Variants in ROCK2 observed in about 807,000 individuals in gnomAD.
ROCK2 encodes rho-associated protein kinase 2.
Under a neutral mutation model 195.1 loss-of-function variants are expected in ROCK2, and 61 were observed. The observed-to-expected ratio is 0.31, with a 90% CI of 0.25 to 0.39. ROCK2 has a LOEUF of 0.39. ROCK2 is among the 10% of genes least tolerant of loss of function. The pLI, the probability that ROCK2 is intolerant of heterozygous loss-of-function variation, is 1.00. For synonymous variants in ROCK2, 504 were observed against 545.5 expected (o/e 0.92, Z 1.06); for missense variants, 1,109 against 1,637.4 (o/e 0.68, Z 5.57).
chr2:11,192,355 T>C lies in ROCK2; in HGVS notation c.3956A>G (p.Tyr1319Cys), dbSNP rs1366678124. 2 of 1,600,842 alleles carry C rather than the reference T, an allele frequency of 1.2e-6. No homozygotes were observed. The highest frequency in any genetic ancestry group is 1.7e-6 in the Non-Finnish European group (2 of 1,174,738). The change falls in exon 32 of 33, where the codon TAT becomes TGT. Residue 1319 changes from tyrosine (Y) to cysteine (C), a missense_variant. Around this residue, in one of 6 missense-constraint regions of ROCK2, gnomAD observed 221 missense variants for 355.1 expected, o/e 0.62. Transcript: ENST00000315872. The surrounding 1 kb of genome is among the most constrained non-coding windows in gnomAD (Gnocchi z 5.0). Reference protein sequence around the residue: ...EEIIAPCKVYYDISTAKNLLL... With the variant: ...EEIIAPCKVYCDISTAKNLLL... ...CAGATTCTTTGCCGTTGAAATATCA[T>C]AATATACTATAAAGAAAAATTAGAA...
In ROCK2 at chr2:11,236,415, A is replaced by T. The variant is rs1158614279; in HGVS notation, c.463-453T>A. 2.0e-5 allele frequency among the ~76,000 whole-genome samples: 3 copies of T among 152,188 alleles called. No homozygotes were observed. In the East Asian group the frequency reaches 5.8e-4, roughly 29 times the overall value. ...TAGAGATACTAGATTCAACGGACAC[A>T]AGAAGAGGGAATAAGCCCCATATCA... On this transcript the variant is annotated intron_variant, in intron 4 of 32. Coordinates refer to ENST00000315872, the MANE Select transcript of ROCK2 (RefSeq NM_004850.5).
intron 1 of ROCK2, among the ~76,000 whole-genome samples, chr2:11,309,836 C>T (rs752106204): frequency 3.0e-4 from 46 of 151,948 alleles, no homozygotes; most frequent in Admixed American, 1.7e-3. Context: ...AAAAATTAGC[C>T]GGGCATGGTG....
chr2:11,198,568 CTT>C lies in ROCK2; in HGVS notation c.3020_3021del (p.Lys1007ArgfsTer2), dbSNP rs1663725998. ...ATAGCTGCTGCGCTTATTTCTTCATCTTTCAATCTTGACAGTTCTGAAACATG... is the reference window on the plus strand; with the variant it reads ...ATAGCTGCTGCGCTTATTTCTTCATCTCAATCTTGACAGTTCTGAAACATG... The part of the protein sequence containing the change: ...KDVQEQLSRL[K>X]DEEISAAAIK... On this transcript the variant is annotated frameshift_variant, in exon 25 of 33. Transcript: ENST00000315872. LOFTEE classifies it high-confidence loss of function. The C allele has an allele frequency of 6.2e-7, 1 of 1,613,098 alleles. No individual in the cohort carries two copies. Among genetic ancestry groups the C allele is most frequent in the Non-Finnish European group, 8.5e-7 (1 of 1,179,668 alleles).
intron 3 of ROCK2, among the ~76,000 whole-genome samples, chr2:11,267,796 C>T (rs539975601): frequency 6.6e-6 from 1 of 151,032 alleles, no homozygotes; most frequent in South Asian, 2.1e-4. Context: ...CAGGTGCACG[C>T]CACCAAGCCC....
chr2:11,300,869 T>C (rs1334863822), intron 1 of ROCK2, among the ~76,000 whole-genome samples: 2 of 152,138 alleles, frequency 1.3e-5, no homozygotes, highest in South Asian at 2.1e-4. Context: ...AAAAAAGTTG[T>C]ATCATTGGTG....
intron 1 of ROCK2, chr2:11,308,098 G>C (rs1667920298): frequency 6.2e-7 from 1 of 1,610,894 alleles, no homozygotes; most frequent in Admixed American, 1.7e-5. Context: ...TGCGACTCTT[G>C]GGGCCAGCTG....
At chr2:11,333,819 C>A (rs543964807) in intron 1 of ROCK2, among the ~76,000 whole-genome samples, 1 of 152,196 alleles carries the variant, frequency 6.6e-6, no homozygotes, top group East Asian at 1.9e-4. Flanking sequence ...ACAGGCATAA[C>A]TAGGTACATA....
chr2:11,272,432 A>T (rs1273210278), intron 3 of ROCK2, among the ~76,000 whole-genome samples: 1 of 152,226 alleles, frequency 6.6e-6, no homozygotes, highest in Admixed American at 6.5e-5. Context: ...TTAATCTAAA[A>T]GCTAGTATTA....
chr2:11,248,708 C>CGAAAAAAAA (rs1665713491), intron 4 of ROCK2, among the ~76,000 whole-genome samples: 1 of 45,412 alleles, frequency 2.2e-5, no homozygotes, highest in Non-Finnish European at 3.4e-5. Context: ...GACTTCATCT[C>CGAAAAAAAA]AAAAAAAAAA....
intron 3 of ROCK2, among the ~76,000 whole-genome samples, chr2:11,263,741 G>A (rs1666318257): frequency 6.6e-6 from 1 of 150,670 alleles, no homozygotes. Context: ...TGGAAGATAA[G>A]GGTTAAAGTT....
intron 3 of ROCK2, among the ~76,000 whole-genome samples, chr2:11,283,385 C>G (rs1247308133): frequency 6.7e-6 from 1 of 150,200 alleles, no homozygotes; most frequent in Non-Finnish European, 1.5e-5. Flanking sequence ...AAGGTGAAAC[C>G]CCGTCTCTAC....
chr2:11,338,710 G>A (rs1393793644), intron 1 of ROCK2, among the ~76,000 whole-genome samples: 3 of 152,116 alleles, frequency 2.0e-5, no homozygotes, highest in Admixed American at 1.3e-4. Flanking sequence ...GCATCAACAC[G>A]AGATATCCAA....
At chr2:11,330,830 GA>G in intron 1 of ROCK2, among the ~76,000 whole-genome samples, 1 of 13,156 alleles carries the variant, frequency 7.6e-5, no homozygotes, top group Non-Finnish European at 2.7e-4. Flanking sequence ...GGAGGAGGGG[GA>G]GGAAGAGGGA....
At chr2:11,221,078 T>C (rs1041317322) in intron 9 of ROCK2, 120 bp downstream of exon 9, 8 of 618,878 alleles carry the variant, frequency 1.3e-5, no homozygotes, top group East Asian at 9.2e-5. Flanking sequence ...CTTCTGATGA[T>C]AGTCCTTTTG....
chr2:11,337,828 A>T (rs1409249870), intron 1 of ROCK2, among the ~76,000 whole-genome samples: 1 of 151,588 alleles, frequency 6.6e-6, no homozygotes, highest in East Asian at 1.9e-4. Context: ...TTTTTAGTAG[A>T]GATGGGGTTT....
intron 3 of ROCK2, among the ~76,000 whole-genome samples, chr2:11,263,736 G>C (rs1666318166): frequency 6.7e-6 from 1 of 149,582 alleles, no homozygotes; most frequent in Non-Finnish European, 1.5e-5. Flanking sequence ...CTCAGTGGAA[G>C]ATAAGGGTTA....
At chr2:11,285,105 A>G (rs1448002843) in intron 3 of ROCK2, among the ~76,000 whole-genome samples, 3 of 152,044 alleles carry the variant, frequency 2.0e-5, no homozygotes, top group Non-Finnish European at 4.4e-5. Flanking sequence ...TCTACTAAAA[A>G]TACAAAATTG....
At chr2:11,276,314 A>C (rs1490366006) in intron 3 of ROCK2, among the ~76,000 whole-genome samples, 1 of 152,246 alleles carries the variant, frequency 6.6e-6, no homozygotes, top group Non-Finnish European at 1.5e-5. Context: ...AATGTATTAG[A>C]ATAAGTTAGG....
At chr2:11,239,796 T>C (rs1209730846) in intron 4 of ROCK2, among the ~76,000 whole-genome samples, 1 of 152,200 alleles carries the variant, frequency 6.6e-6, no homozygotes, top group East Asian at 1.9e-4. Flanking sequence ...ACTTCAGAAA[T>C]CAGCTGCACT....
Sources: gnomAD v4.1 joint callset for allele counts (sites outside exome capture counted in the v4.1 genomes callset) on GRCh38, gnomAD v4.1.1 for gene constraint, gnomAD v4.1.1 regional missense constraint, Gnocchi (gnomAD v3.1) non-coding constraint, MANE v1.5 for transcripts, NCBI Gene and HGNC (gene_info 2026-07-23, HGNC 2026-07-21) for gene names.